Variants in ABCB6 observed in about 807,000 individuals in gnomAD.
ABCB6 encodes the protein ATP-binding cassette sub-family B member 6.
A neutral mutation model predicts 99.4 loss-of-function variants in ABCB6; 87 were observed. The ratio of observed to expected loss-of-function variants is 0.88; its 90% confidence interval spans 0.74 to 1.05. The LOEUF (loss-of-function observed/expected upper bound fraction) is 1.05. Among genes scored for constraint, ABCB6 ranks in the 50% least tolerant of loss-of-function variants. ABCB6 has a pLI of 0.00. For synonymous variants in ABCB6, 482 were observed against 447.5 expected (o/e 1.08, Z -0.97); for missense variants, 1,050 against 1,097.9 (o/e 0.96, Z 0.62).
intron 6 of ABCB6, 149 bp downstream of exon 6, chr2:219,214,812 C>T (rs553301666): frequency 1.1e-6 from 1 of 873,048 alleles, no homozygotes; most frequent in East Asian, 2.5e-5. Context: ...ACAGAAGAGA[C>T]CCGCCCATCA....
At chr2:219,211,144 A>T (rs1232015290) in intron 14 of ABCB6, 36 bp from the exon 15 acceptor site, 2 of 1,609,158 alleles carry the variant, frequency 1.2e-6, no homozygotes, top group East Asian at 4.5e-5. Context: ...GCCTTATGAG[A>T]TACCCCCAAG....
chr2:219,210,973 C>A lies in ABCB6; in HGVS notation c.2104G>T (p.Ala702Ser). 1 of 1,614,220 alleles carries A rather than the reference C, an allele frequency of 6.2e-7. No homozygotes were observed. The highest frequency in any genetic ancestry group is 8.5e-7 in the Non-Finnish European group (1 of 1,180,032). Reference sequence around the variant, plus strand: ...ATAATGGCATCATGGATGCCTGCAGCCTGAGCAGCAGCCTCCACCTCATCA... The same window carrying A: ...ATAATGGCATCATGGATGCCTGCAGACTGAGCAGCAGCCTCCACCTCATCA... ...GNDEVEAAAQ[A>S]AGIHDAIMAF... Residue 702 changes from alanine to serine, a missense_variant, in exon 15 of 19, where the codon GCT (alanine) becomes TCT (serine). By Grantham distance (99) the Ala-to-Ser change is moderately conservative. Coordinates refer to ENST00000265316, the MANE Select transcript of ABCB6 (RefSeq NM_005689.4).
Position 219,218,079 on chromosome 2 carries a change from C to G in ABCB6, c.549+46G>C, listed in dbSNP as rs1050238959. 4 of 1,553,354 alleles carry G rather than the reference C, an allele frequency of 2.6e-6. No homozygotes were observed. The African/African-American group carries it at 5.5e-5, about 21-fold the overall frequency. ...TGACTGGACATGCAGTGCTTTCTCC[C>G]AAGCCCGGCCAGCAGAGGCTTCCCC... is the stretch of plus-strand genomic sequence containing the variant. On this transcript the variant is annotated intron_variant, in intron 1 of 18. Coordinates refer to ENST00000265316, the MANE Select transcript of ABCB6 (RefSeq NM_005689.4).
At chr2:219,215,273 A>G (rs1156598967) in intron 5 of ABCB6, 191 bp from the exon 6 acceptor site, 4 of 632,206 alleles carry the variant, frequency 6.3e-6, no homozygotes, top group East Asian at 2.9e-5. Context: ...ATCAATTACA[A>G]TGAATGAGGG....
chr2:219,213,760 A>G, intron 9 of ABCB6, 66 bp downstream of exon 9: 2 of 1,613,320 alleles, frequency 1.2e-6, no homozygotes, highest in Non-Finnish European at 1.7e-6. Context: ...GAGCCTGGTG[A>G]CCAGACACAG....
Position 219,213,230 on chromosome 2 carries a change from G to A in ABCB6, c.1805+11C>T. 1 of 1,614,094 alleles carries A rather than the reference G, an allele frequency of 6.2e-7. No homozygotes were observed. Among genetic ancestry groups the A allele is most frequent in the Non-Finnish European group, 8.5e-7 (1 of 1,179,958 alleles). Reference sequence around the variant, plus strand: ...AACGGAAAAGCAAAGGAAGCAAAAGGAAGGCCTCACCCATCGGCATAGCTG... The same window carrying A: ...AACGGAAAAGCAAAGGAAGCAAAAGAAAGGCCTCACCCATCGGCATAGCTG... On this transcript the variant is annotated intron_variant, in intron 12 of 18. Transcript: ENST00000265316.
intron 17 of ABCB6, 37 bp from the exon 18 acceptor site, chr2:219,210,335 CA>C: frequency 6.2e-7 from 1 of 1,614,208 alleles, no homozygotes; most frequent in Non-Finnish European, 8.5e-7. Context: ...CTACCCCACC[CA>C]AAGCGGGCCA....
At position 219,216,396 on chromosome 2, in the gene ABCB6, T is replaced by C. The variant is rs777998867; in HGVS notation, c.938A>G (p.Lys313Arg). 1.4e-5 allele frequency: 22 copies of C among 1,613,882 alleles called. No homozygotes were observed. Among genetic ancestry groups the C allele is most frequent in the Admixed American group, 1.7e-5 (1 of 59,964 alleles). ...GCCAGTGCCACCCCCCTGGAGGAAC[T>C]TGAGGAAGACGTAACTGGTAACAGT... ...AWTVTSYVFL[K>R]FLQGGGTGST... The change falls in exon 4 of 19, where the codon AAG (lysine) becomes AGG (arginine). Residue 313 changes from lysine (K) to arginine (R), a missense_variant. Physicochemically the swap from Lys to Arg is conservative, Grantham distance 26. Coordinates refer to ENST00000265316, the MANE Select transcript of ABCB6 (RefSeq NM_005689.4). The surrounding 1 kb of genome is among the most constrained non-coding windows in gnomAD (Gnocchi z 4.2).
At chr2:219,215,907 C>G (rs1452050680) in intron 5 of ABCB6, 90 bp downstream of exon 5, 3 of 1,352,272 alleles carry the variant, frequency 2.2e-6, no homozygotes, top group South Asian at 3.4e-5. Context: ...GGCAGCTTCT[C>G]AGGCGGGGTC....
At position 219,210,829 on chromosome 2, in the gene ABCB6, G is replaced by T. The variant is rs369378299; in HGVS notation, c.2144-6C>A. On this transcript the variant is annotated splice_region_variant and splice_polypyrimidine_tract_variant and intron_variant, in intron 15 of 18. Transcript: ENST00000265316. ...GCCCACCTGTGTCCTGTACCCTGTG[G>T]ATATTACCCACCACACGTTTCTTAC... 6.2e-7 allele frequency: 1 copy of T among 1,613,774 alleles called. No homozygotes were observed. The highest frequency in any genetic ancestry group is 1.3e-5 in the African/African-American group (1 of 74,910).
rs1428474706 is a variant in ABCB6, at chr2:219,216,643, C to T, written c.868+9G>A. 6.4e-7 allele frequency: 1 copy of T among 1,552,094 alleles called. No homozygotes were observed. The highest frequency in any genetic ancestry group is 1.2e-5 in the South Asian group (1 of 84,630). The stretch of plus-strand genomic sequence containing the variant: ...ACCAGCACACTGAGCTGGTGCTCCT[C>T]CTGCTCACCAATGTTCCTATAGAAT... On this transcript the variant is annotated intron_variant, in intron 3 of 18. Transcript: ENST00000265316. The surrounding 1 kb of genome is among the most constrained non-coding windows in gnomAD (Gnocchi z 4.2).
At position 219,213,579 on chromosome 2, in the gene ABCB6, G is replaced by A; in HGVS notation, c.1655+11C>T. The A allele has an allele frequency of 6.2e-7, 1 of 1,614,176 alleles. No individual in the cohort carries two copies. The highest frequency in any genetic ancestry group is 8.5e-7 in the Non-Finnish European group (1 of 1,180,004). ...GTGCCCTGGACAGGTGAGGGCCAGG[G>A]CTCAGATTACCTGTAGTAGGTGCCA... is the stretch of plus-strand genomic sequence containing the variant. On this transcript the variant is annotated intron_variant, in intron 10 of 18. Transcript: ENST00000265316.
rs1470068171 is a variant in ABCB6 at position 219,209,802 on chromosome 2, T to G, written c.*136A>C. On this transcript the variant is annotated 3_prime_UTR_variant, in exon 19 of 19. Transcript: ENST00000265316. ...TCCACATTTTTATTTCCCCAAAAGA[T>G]GTTTTTCGGAAAGGTCCCTTTCCCT... 1.4e-6 allele frequency: 1 copy of G among 739,158 alleles called. No homozygotes were observed. The highest frequency in any genetic ancestry group is 2.4e-6 in the Non-Finnish European group (1 of 415,796). The allele number at this position is 739,158 out of a possible 1,614,324, so 45.8% of individuals were successfully genotyped here. A position where few individuals can be genotyped will look rare whatever the true frequency, so the allele number is the denominator to read the frequency against.
intron 18 of ABCB6, 68 bp from the exon 19 acceptor site, chr2:219,210,114 A>G: frequency 6.3e-7 from 1 of 1,597,284 alleles, no homozygotes; most frequent in Non-Finnish European, 8.6e-7. Flanking sequence ...CCACCAGCCC[A>G]CAGAGAGGAC....
Position 219,218,476 on chromosome 2 carries a change from G to A in ABCB6, c.198C>T (p.Ala66=), listed in dbSNP as rs1404943356. 6.2e-7 allele frequency: 1 copy of A among 1,607,380 alleles called. No homozygotes were observed. Among genetic ancestry groups the A allele is most frequent in the South Asian group, 1.1e-5 (1 of 90,706 alleles). The change falls in exon 1 of 19, where the codon GCC becomes GCT. Residue 66 remains alanine, a synonymous_variant. Coordinates refer to ENST00000265316, the MANE Select transcript of ABCB6 (RefSeq NM_005689.4). ...GCACGTAGGGAGAGATGCGAGGGCC[G>A]GCCCCCCAAGACAGCGAATCAGCAC... ...PAGADSLSWG[A]GPRISPYVLQ... is the part of the protein sequence containing the mutation.
At position 219,218,570 on chromosome 2, in the gene ABCB6, G is replaced by A; in HGVS notation, c.104C>T (p.Thr35Met). ...PCFFFTLVPS[T>M]RMALGTLALV... ...GGCCAGAGTCCCCAGAGCCATCCGC[G>A]TCGAGGGCACGAGCGTGAAGAAGAA... Residue 35 changes from threonine (T) to methionine (M), a missense_variant, in exon 1 of 19, where the codon ACG (threonine) becomes ATG (methionine). Physicochemically the swap from Thr to Met is moderately conservative, Grantham distance 81. Coordinates refer to ENST00000265316, the MANE Select transcript of ABCB6 (RefSeq NM_005689.4). The A allele has an allele frequency of 6.2e-7, 1 of 1,612,598 alleles. No individual in the cohort carries two copies. Among genetic ancestry groups the A allele is most frequent in the East Asian group, 2.2e-5 (1 of 44,862 alleles).
intron 13 of ABCB6, 90 bp downstream of exon 13, chr2:219,212,918 C>T: frequency 6.9e-7 from 1 of 1,440,660 alleles, no homozygotes; most frequent in East Asian, 2.4e-5. Flanking sequence ...ACTGGGCTCT[C>T]TGACTCCACA....
At chr2:219,213,697 C>T (rs910880415) in intron 9 of ABCB6, 31 bp from the exon 10 acceptor site, 5 of 1,613,794 alleles carry the variant, frequency 3.1e-6, no homozygotes, top group Admixed American at 3.3e-5. Context: ...GAGCATGTCA[C>T]GGGGGGCCTG....
Position 219,211,108 on chromosome 2 carries a change from C to G in ABCB6, c.1969G>C (p.Val657Leu). 1 of 1,613,986 alleles carries G rather than the reference C, an allele frequency of 6.2e-7. No homozygotes were observed. Among genetic ancestry groups the G allele is most frequent in the Middle Eastern group, 1.6e-4 (1 of 6,062 alleles). ...IRIDGQDISQVTQASLRSHIG... is the reference protein window; with the variant it reads ...IRIDGQDISQLTQASLRSHIG... ...TGAGACCGGAGAGAGGCCTGGGTCACCTAGGGCCAAAAGACCACACACTCT... is the reference window on the plus strand; with the variant it reads ...TGAGACCGGAGAGAGGCCTGGGTCAGCTAGGGCCAAAAGACCACACACTCT... Residue 657 changes from valine to leucine, a missense_variant and splice_region_variant, in exon 15 of 19, where the codon GTG becomes CTG. Transcript: ENST00000265316.
Sources: allele counts gnomAD v4.1 joint callset, GRCh38; gene constraint gnomAD v4.1.1; non-coding constraint Gnocchi (gnomAD v3.1); transcripts MANE v1.5; gene names NCBI Gene and HGNC (gene_info 2026-07-23, HGNC 2026-07-21).